The following DNAI4 variants were observed in gnomAD, a reference collection of about 807,000 sequenced individuals.
The protein encoded by DNAI4 is WD repeat domain 78.
Under a neutral mutation model 105.8 loss-of-function variants are expected in DNAI4, and 85 were observed. The ratio of observed to expected loss-of-function variants is 0.80; its 90% CI spans 0.67 to 0.96. DNAI4 has a LOEUF of 0.96. DNAI4 is among the 40% of genes least tolerant of loss of function. DNAI4 has a pLI of 0.00. For synonymous variants in DNAI4, 352 were observed against 331.5 expected, an observed-to-expected ratio of 1.06 and a Z score of -0.67; for missense variants, 1,014 against 1,005.6, an observed-to-expected ratio of 1.01 and a Z score of -0.11.
In DNAI4 at chr1:66,890,689, GGAA is replaced by G. The variant is rs930589834; in HGVS notation, c.643+462_643+464del. Reference sequence around the variant, plus strand: ...AAGCAGAGGAGGAAGAGGAGGAAGAGGAAGAAGAAGAAGGAGAGGAGGGGGAGG... The same window carrying G: ...AAGCAGAGGAGGAAGAGGAGGAAGAGGAAGAAGAAGGAGAGGAGGGGGAGG... On this transcript the variant is annotated intron_variant, in intron 4 of 16. Coordinates refer to ENST00000371026, the MANE Select transcript of DNAI4 (RefSeq NM_024763.5). The surrounding 1 kb of genome is among the most constrained non-coding windows in gnomAD (Gnocchi z 4.1). 2.6e-4 allele frequency: 55 copies of G among 215,620 alleles called. No homozygotes were observed. Among genetic ancestry groups the G allele is most frequent in the African/African-American group, 7.4e-4 (30 of 40,388 alleles). The allele number at this position is 215,620 out of a possible 1,614,324, so 13.4% of individuals were successfully genotyped here. A position where few individuals can be genotyped will look rare whatever the true frequency, so the allele number is the denominator to read the frequency against.
At chr1:66,851,621 T>C (rs1646398264) in intron 7 of DNAI4, among the ~76,000 whole-genome samples, 1 of 151,634 alleles carries the variant, frequency 6.6e-6, no homozygotes, top group Non-Finnish European at 1.5e-5. Context: ...AAATCAATAA[T>C]GGAAAGACAA....
rs1021319662 is a variant in DNAI4 at position 66,921,496 on chromosome 1, C to A, written c.170+3166G>T. The A allele has an allele frequency of 5.3e-5, 8 of 152,168 alleles. No individual in the cohort carries two copies. The South Asian group carries it at 6.2e-4, about 12-fold the overall frequency. 9.4% of individuals were successfully genotyped at this position (152,168 alleles called of 1,614,324 possible). ...TCGTTTTAATTAGGTAACATGGCTACTGCAAAAAGTGAAGGTTATACTACT... is the reference window on the plus strand; with the variant it reads ...TCGTTTTAATTAGGTAACATGGCTAATGCAAAAAGTGAAGGTTATACTACT... On this transcript the variant is annotated intron_variant, in intron 1 of 16. Coordinates refer to ENST00000371026, the MANE Select transcript of DNAI4 (RefSeq NM_024763.5).
At chr1:66,902,589 G>C (rs2100820240) in intron 2 of DNAI4, among the ~76,000 whole-genome samples, 1 of 151,904 alleles carries the variant, frequency 6.6e-6, no homozygotes, top group East Asian at 1.9e-4. Context: ...TTTTTCTTTA[G>C]CTGCATATGC....
chr1:66,873,852 C>CTTTTTTTTTT (rs749140367), intron 5 of DNAI4, among the ~76,000 whole-genome samples: 10 of 110,180 alleles, frequency 9.1e-5, no homozygotes, highest in Middle Eastern at 6.0e-3. Flanking sequence ...TCCCTCTTTC[C>CTTTTTTTTTT]TTTTTTTTTT....
chr1:66,844,777 T>C (rs1646235346), intron 8 of DNAI4, among the ~76,000 whole-genome samples: 1 of 152,068 alleles, frequency 6.6e-6, no homozygotes, highest in African/African-American at 2.4e-5. Context: ...CTTCTGTTCA[T>C]CAAAAAAATT....
chr1:66,836,391 T>C (rs1357546370), intron 10 of DNAI4, among the ~76,000 whole-genome samples: 2 of 151,844 alleles, frequency 1.3e-5, no homozygotes, highest in Non-Finnish European at 2.9e-5. Flanking sequence ...ACAATAATTA[T>C]ATTTTGGTAA....
At chr1:66,872,708 CTTAT>C (rs1646872799) in intron 5 of DNAI4, among the ~76,000 whole-genome samples, 1 of 151,726 alleles carries the variant, frequency 6.6e-6, no homozygotes, top group Admixed American at 6.6e-5. Context: ...TTCCAATGCT[CTTAT>C]TTATCTATTT....
chr1:66,850,537 G>T, intron 7 of DNAI4, among the ~76,000 whole-genome samples: 1 of 151,980 alleles, frequency 6.6e-6, no homozygotes, highest in East Asian at 1.9e-4. Flanking sequence ...ACAATGGGAA[G>T]AGAGAAAATA....
chr1:66,880,519 G>A (rs531186615), intron 4 of DNAI4, among the ~76,000 whole-genome samples: 1 of 152,280 alleles, frequency 6.6e-6, no homozygotes, highest in African/African-American at 2.4e-5. Flanking sequence ...CAAAAAGAGT[G>A]GTGACATTTT....
chr1:66,920,226 G>T (rs1436630262), intron 1 of DNAI4, among the ~76,000 whole-genome samples: 1 of 152,136 alleles, frequency 6.6e-6, no homozygotes, highest in Non-Finnish European at 1.5e-5. Context: ...GCTTTGAAGA[G>T]GAATCTGGCT....
rs969938420 is a variant in DNAI4, at chr1:66,813,156, T to C, written c.*974A>G. 1.3e-5 allele frequency: 2 copies of C among 152,328 alleles called. No homozygotes were observed. The highest frequency in any genetic ancestry group is 1.5e-5 in the Non-Finnish European group (1 of 68,038). 9.4% of individuals were successfully genotyped at this position (152,328 alleles called of 1,614,324 possible). On this transcript the variant is annotated 3_prime_UTR_variant, in exon 17 of 17. Transcript: ENST00000371026. The stretch of plus-strand genomic sequence containing the variant: ...GATTCCAGTCTTGGTTTTTAATATA[T>C]ACATATTTTTTTTCCAGAGAGTTTA...
At chr1:66,911,671 G>T (rs1407759777) in intron 1 of DNAI4, among the ~76,000 whole-genome samples, 4 of 152,190 alleles carry the variant, frequency 2.6e-5, no homozygotes, top group Admixed American at 2.6e-4. Flanking sequence ...ACATAATACA[G>T]TGGCTGTTTA....
intron 14 of DNAI4, 39 bp from the exon 15 acceptor site, chr1:66,827,085 A>C (rs2100371756): frequency 6.7e-7 from 1 of 1,499,364 alleles, no homozygotes; most frequent in Non-Finnish European, 9.1e-7. Context: ...AATAATATTT[A>C]ACATCTTTTA....
chr1:66,836,254 GAGAAAGAAAGAAAGAA>G (rs68091805), intron 10 of DNAI4, among the ~76,000 whole-genome samples: 18,627 of 98,534 alleles, frequency 0.19, 1,981 homozygotes, highest in Middle Eastern at 0.23. Context: ...AAGAGAGAGA[GAGAAAGAAAGAAAGAA>G]AGAAAGAAAG....
intron 2 of DNAI4, among the ~76,000 whole-genome samples, chr1:66,898,231 A>G (rs1027325316): frequency 2.7e-5 from 4 of 146,698 alleles, no homozygotes; most frequent in African/African-American, 1.1e-4. Context: ...TTGGAAGTAA[A>G]TAGTTTGTTT....
chr1:66,831,416 G>A (rs746770927), intron 13 of DNAI4, among the ~76,000 whole-genome samples: 7 of 151,728 alleles, frequency 4.6e-5, no homozygotes, highest in Admixed American at 3.3e-4. Context: ...AAATGTATTC[G>A]TATATTAAAA....
At chr1:66,857,946 T>C (rs1216582703) in intron 7 of DNAI4, among the ~76,000 whole-genome samples, 1 of 151,984 alleles carries the variant, frequency 6.6e-6, no homozygotes. Flanking sequence ...AGGCACAAAC[T>C]ACCAAAACTC....
intron 8 of DNAI4, among the ~76,000 whole-genome samples, chr1:66,844,375 A>G (rs1486789645): frequency 1.3e-5 from 2 of 152,074 alleles, no homozygotes; most frequent in African/African-American, 4.8e-5. Flanking sequence ...AGCCTGGCCA[A>G]CAATGGCAAA....
intron 1 of DNAI4, among the ~76,000 whole-genome samples, chr1:66,923,474 A>G (rs2100924579): frequency 6.6e-6 from 1 of 152,366 alleles, no homozygotes; most frequent in Middle Eastern, 3.4e-3. Flanking sequence ...GATCTGGGAA[A>G]GGTGAAACCA....
Sources: gnomAD v4.1 joint callset for allele counts (sites outside exome capture counted in the v4.1 genomes callset) on GRCh38, gnomAD v4.1.1 for gene constraint, Gnocchi (gnomAD v3.1) non-coding constraint, MANE v1.5 for transcripts, NCBI Gene and HGNC (gene_info 2026-07-23, HGNC 2026-07-21) for gene names.